PLEKHG5: variants seen among roughly 807,000 people sequenced by gnomAD.
PLEKHG5 encodes pleckstrin homology and RhoGEF domain containing G5, also known as pleckstrin homology domain-containing family G member 5.
In PLEKHG5, 52 loss-of-function variants were observed where a neutral mutation model predicts 103.8. The observed-to-expected ratio is 0.50, with a 90% CI of 0.40 to 0.63. PLEKHG5 has a LOEUF of 0.63. PLEKHG5 is among the 30% of genes least tolerant of loss of function. The pLI, the probability that PLEKHG5 is intolerant of heterozygous loss-of-function variation, is 0.00. For missense variants in PLEKHG5, 1,205 were observed against 1,347.6 expected (o/e 0.89, Z 1.66); for synonymous variants, 592 against 575.5 (o/e 1.03, Z -0.41).
Position 6,518,042 on chromosome 1 carries a change from C to T in PLEKHG5, c.-165+1403G>A, listed in dbSNP as rs188842526. ...CCGCCTCCCAGGTTCACACCATTCT[C>T]CTGCCTCAGCCTCCCGAGTAGCTGG... On this transcript the variant is annotated intron_variant, in intron 1 of 21. Coordinates refer to the PLEKHG5 transcript ENST00000377740. Among the ~76,000 whole-genome samples the T allele has an allele frequency of 7.0e-3, 1,066 of 152,146 alleles. 8 individuals carry two copies. The highest frequency in any genetic ancestry group is 0.023 in the African/African-American group (968 of 41,556).
chr1:6,515,010 T>C (rs4480385), intron 1 of PLEKHG5, among the ~76,000 whole-genome samples: 148,995 of 152,244 alleles, frequency 0.98, 73,004 homozygotes, highest in East Asian at 1. Context: ...ACCAAGATGG[T>C]ACCACTGTAC....
rs145395747 is a variant in PLEKHG5 at position 6,474,549 on chromosome 1, G to A, written c.341C>T (p.Ala114Val). 33 of 1,613,572 alleles carry A rather than the reference G, an allele frequency of 2.0e-5. No individual in the cohort carries two copies. The highest frequency in any genetic ancestry group is 2.7e-5 in the African/African-American group (2 of 74,918). ...CAGGTAGATGTCCACTTTGCCCAGC[G>A]CAATGCCCTTCCTTTCAAATACAGG... The part of the protein sequence containing the change: ...LLPVFERKGI[A>V]LGKVDIYLDQ... The change falls in exon 6 of 21, where the codon GCG (alanine) becomes GTG (valine). Residue 114 changes from alanine (A) to valine (V), a missense_variant. Transcript: ENST00000377728.
intron 12 of PLEKHG5, 119 bp downstream of exon 12, chr1:6,471,369 G>A (rs1455831822): frequency 1.7e-6 from 2 of 1,197,828 alleles, no homozygotes; most frequent in Admixed American, 2.4e-5. Context: ...AAGGGGTCAA[G>A]TGCGGTTACG....
At position 6,471,616 on chromosome 1, in the gene PLEKHG5, T is replaced by G; in HGVS notation, c.1153A>C (p.Ser385Arg). The G allele has an allele frequency of 6.3e-7, 1 of 1,592,202 alleles. No homozygotes were observed. The highest frequency in any genetic ancestry group is 8.5e-7 in the Non-Finnish European group (1 of 1,170,274). Residue 385 changes from serine to arginine, a missense_variant, in exon 12 of 21, where the codon AGC becomes CGC. Transcript: ENST00000377728. ...LCEVEAERLF[S>R]NIPEIAQLHR... ...AGCTGCGCGATCTCCGGGATGTTGC[T>G]GAACAGGCGCTCCGCCTCCACCTGG...
chr1:6,468,577 A>T lies in PLEKHG5; in HGVS notation c.2259T>A (p.Asp753Glu). The change falls in exon 20 of 21, where the codon GAT becomes GAA. Residue 753 changes from aspartate to glutamate, a missense_variant. By Grantham distance (45) the Asp-to-Glu change is conservative. Transcript: ENST00000377728. Reference sequence around the variant, plus strand: ...CCATGGCCAGGGTCTCCGTGGAGCCATCTGAGGCACTGTGGGGCCAGGAGC... The same window carrying T: ...CCATGGCCAGGGTCTCCGTGGAGCCTTCTGAGGCACTGTGGGGCCAGGAGC... The part of the protein sequence containing the change: ...GSPDSQHCAS[D>E]GSTETLAMVV... The T allele has an allele frequency of 6.2e-7, 1 of 1,612,978 alleles. No individual in the cohort carries two copies. Among genetic ancestry groups the T allele is most frequent in the Non-Finnish European group, 8.5e-7 (1 of 1,179,958 alleles).
upstream of PLEKHG5, chr1:6,497,479 G>T (rs1645245531): frequency 5.1e-6 from 1 of 194,346 alleles, no homozygotes; most frequent in African/African-American, 2.4e-5. This position sits in a 1 kb window ranked among gnomAD's most constrained non-coding sequence, Gnocchi z 6.1. Context: ...CCGCCTCGGG[G>T]GCGGGGGGCG....
chr1:6,501,510 C>T (rs1010521094), upstream of PLEKHG5, among the ~76,000 whole-genome samples: 1 of 152,236 alleles, frequency 6.6e-6, no homozygotes, highest in Non-Finnish European at 1.5e-5. This position sits in a 1 kb window ranked among gnomAD's most constrained non-coding sequence, Gnocchi z 4.3. Context: ...AGGAACGACA[C>T]ACAATGACCA....
chr1:6,499,989 C>G (rs2986745), upstream of PLEKHG5, among the ~76,000 whole-genome samples: 47,327 of 151,804 alleles, frequency 0.31, 11,410 homozygotes, highest in African/African-American at 0.68. Context: ...TTTATAGCAA[C>G]GGAGGTCTCA....
chr1:6,498,028 C>T (rs542990510), upstream of PLEKHG5, among the ~76,000 whole-genome samples: 1 of 152,082 alleles, frequency 6.6e-6, no homozygotes, highest in Non-Finnish European at 1.5e-5. Flanking sequence ...AGGGCACCGC[C>T]GCCCTGACTT....
At chr1:6,506,576 T>TGGG (rs1557770503) in intron 1 of PLEKHG5, among the ~76,000 whole-genome samples, 4 of 152,162 alleles carry the variant, frequency 2.6e-5, no homozygotes, top group African/African-American at 9.7e-5. Context: ...TCCCCACCCC[T>TGGG]GACCTGTGAC....
intron 1 of PLEKHG5, among the ~76,000 whole-genome samples, chr1:6,504,347 G>C (rs536524286): frequency 6.6e-6 from 1 of 152,166 alleles, no homozygotes; most frequent in East Asian, 1.9e-4. Flanking sequence ...TGGGCAGCTG[G>C]GCCGCCCCTC....
intron 1 of PLEKHG5, among the ~76,000 whole-genome samples, chr1:6,480,391 G>C (rs1240930900): frequency 6.6e-6 from 1 of 151,828 alleles, no homozygotes; most frequent in Non-Finnish European, 1.5e-5. Context: ...TTAGCCAGTC[G>C]TGGCAGCGTA....
chr1:6,489,048 G>A (rs568773930), intron 1 of PLEKHG5, among the ~76,000 whole-genome samples: 110 of 152,190 alleles, frequency 7.2e-4, no homozygotes, highest in Non-Finnish European at 1.4e-3. Context: ...AGGAAAGGAC[G>A]CAGGTCTGGG....
chr1:6,474,948 A>G (rs1195887495), intron 5 of PLEKHG5, 99 bp downstream of exon 5: 4 of 835,410 alleles, frequency 4.8e-6, no homozygotes, highest in Non-Finnish European at 4.3e-6. Context: ...GGGCCACCAC[A>G]CAGACACACA....
chr1:6,479,488 G>A (rs1049580890), intron 1 of PLEKHG5, among the ~76,000 whole-genome samples: 12 of 151,872 alleles, frequency 7.9e-5, no homozygotes, highest in African/African-American at 1.5e-4. Context: ...GGGTTTCACC[G>A]TGTTAGCCAG....
chr1:6,477,950 G>A (rs1471079989), intron 1 of PLEKHG5, among the ~76,000 whole-genome samples: 2 of 151,864 alleles, frequency 1.3e-5, no homozygotes, highest in Non-Finnish European at 2.9e-5. Context: ...GCTTGATCTC[G>A]GCTCACTGCA....
chr1:6,480,793 C>A (rs1019194702), intron 1 of PLEKHG5, among the ~76,000 whole-genome samples: 10 of 151,814 alleles, frequency 6.6e-5, no homozygotes, highest in Admixed American at 2.6e-4. Flanking sequence ...GGACTACAGG[C>A]ATGTACCACC....
chr1:6,479,349 C>T (rs1486250239), intron 1 of PLEKHG5, among the ~76,000 whole-genome samples: 6 of 140,874 alleles, frequency 4.3e-5, no homozygotes, highest in African/African-American at 1.1e-4. Flanking sequence ...TGCAGTGGCG[C>T]GATCTCGACT....
intron 1 of PLEKHG5, among the ~76,000 whole-genome samples, chr1:6,512,278 G>C (rs1396961559): frequency 6.6e-6 from 1 of 152,192 alleles, no homozygotes; most frequent in Non-Finnish European, 1.5e-5. Flanking sequence ...GGTCATCCCA[G>C]GCCGAGCGAG....
Sources: allele counts gnomAD v4.1 joint callset (sites outside exome capture counted in the v4.1 genomes callset), GRCh38; gene constraint gnomAD v4.1.1; non-coding constraint Gnocchi (gnomAD v3.1); transcripts MANE v1.5; gene names NCBI Gene and HGNC (gene_info 2026-07-23, HGNC 2026-07-21).